Variants in DCLK3 observed in about 807,000 individuals in gnomAD.
DCLK3 encodes doublecortin like kinase 3.
Under a neutral mutation model 46.4 loss-of-function variants are expected in DCLK3, and 30 were observed. The observed-to-expected ratio is 0.65, with a 90% CI of 0.48 to 0.88. DCLK3 has a LOEUF of 0.88. Ranked by LOEUF, DCLK3 falls within the 40% of genes least tolerant of loss-of-function variation. DCLK3 has a pLI of 0.00. For missense variants in DCLK3, 846 were observed against 907.1 expected, an observed-to-expected ratio of 0.93 and a Z score of 0.87; for synonymous variants, 401 against 339.2, an observed-to-expected ratio of 1.18 and a Z score of -2.00.
At chr3:36,717,470 G>A (rs1236274611) in intron 4 of DCLK3, among the ~76,000 whole-genome samples, 1 of 152,164 alleles carries the variant, frequency 6.6e-6, no homozygotes, top group Non-Finnish European at 1.5e-5. Flanking sequence ...CAAGGACAGT[G>A]AGTAGTACAG....
intron 3 of DCLK3, among the ~76,000 whole-genome samples, chr3:36,719,245 C>T (rs1209393665): frequency 6.6e-6 from 1 of 152,180 alleles, no homozygotes; most frequent in African/African-American, 2.4e-5. Context: ...CCTCCCAAAA[C>T]TTATCACAGC....
chr3:36,723,427 C>T (rs1011493680), intron 2 of DCLK3, among the ~76,000 whole-genome samples: 1 of 152,152 alleles, frequency 6.6e-6, no homozygotes, highest in Non-Finnish European at 1.5e-5. Flanking sequence ...AATGAGGACC[C>T]AAATGTTAAT....
chr3:36,745,268 G>C (rs921936258), intron 1 of DCLK3, among the ~76,000 whole-genome samples: 15 of 152,008 alleles, frequency 9.9e-5, no homozygotes, highest in African/African-American at 3.6e-4. Flanking sequence ...AATAACTCAC[G>C]TGTCTAATTA....
At chr3:36,726,366 G>T (rs1701125508) in intron 2 of DCLK3, among the ~76,000 whole-genome samples, 1 of 151,782 alleles carries the variant, frequency 6.6e-6, no homozygotes, top group South Asian at 2.1e-4. Flanking sequence ...GAATAAATTT[G>T]GGCAATCTTA....
chr3:36,739,991 T>C (rs1701327306), intron 1 of DCLK3: 3 of 152,122 alleles, frequency 2.0e-5, no homozygotes, highest in Admixed American at 2.0e-4. Context: ...TTTTTCAGCT[T>C]GACTTTGAAC....
At position 36,738,430 on chromosome 3, in the gene DCLK3, C is replaced by A; in HGVS notation, c.737G>T (p.Gly246Val). ...TAGTGAAAGCTCCTCGGGGATCTTC[C>A]CCTGGTGCCTCATGGCTGCCTTGCA... The part of the protein sequence containing the change: ...AGCKAAMRHQ[G>V]KIPEELSLDD... The change falls in exon 2 of 5, where the codon GGG (glycine) becomes GTG (valine). Residue 246 changes from glycine (G) to valine (V), a missense_variant. Gly to Val is a moderately radical substitution (Grantham distance 109, BLOSUM62 -3). This residue lies in a region of DCLK3 where 553 missense variants were observed against 543.0 expected (regional missense o/e 1.02). Transcript: ENST00000636136. 6.8e-7 allele frequency: 1 copy of A among 1,478,224 alleles called. No individual in the cohort carries two copies. The highest frequency in any genetic ancestry group is 9.0e-7 in the Non-Finnish European group (1 of 1,115,404). The allele number at this position is 1,478,224 out of a possible 1,614,324, so 91.6% of individuals were successfully genotyped here. A position where few individuals can be genotyped will look rare whatever the true frequency, so the allele number is the denominator to read the frequency against.
intron 1 of DCLK3, among the ~76,000 whole-genome samples, chr3:36,748,558 G>T (rs529331945): frequency 7.9e-5 from 12 of 152,258 alleles, no homozygotes; most frequent in African/African-American, 2.9e-4. Context: ...ACAGGAGGAA[G>T]GATTCAGAAC....
chr3:36,757,061 G>C (rs963358578), intron 1 of DCLK3, among the ~76,000 whole-genome samples: 2 of 152,060 alleles, frequency 1.3e-5, no homozygotes, highest in African/African-American at 4.8e-5. Flanking sequence ...CCCTCCATCA[G>C]TTGGTGCATT....
chr3:36,751,061 T>TAAAAAAAAAAAAAAAAAA, intron 1 of DCLK3, among the ~76,000 whole-genome samples: 1 of 28,230 alleles, frequency 3.5e-5, no homozygotes, highest in Non-Finnish European at 7.6e-5. Context: ...GACGGGATGA[T>TAAAAAAAAAAAAAAAAAA]CTAAAAAAAA....
chr3:36,721,621 C>T lies in DCLK3; in HGVS notation c.1998G>A (p.Leu666=). Residue 666 remains leucine (L), a synonymous_variant, in exon 3 of 5, where the codon TTG becomes TTA. Coordinates refer to ENST00000636136, the MANE Select transcript of DCLK3 (RefSeq NM_001394672.2). ...CATGCTTTGCAAGTCCAAAATCAGC[C>T]AATTTCAAGGTAGTAGATTTGTCCT... is the stretch of plus-strand genomic sequence containing the variant. ...RNEDKSTTLK[L]ADFGLAKHVV... is the part of the protein sequence containing the mutation. 1 of 1,614,120 alleles carries T rather than the reference C, an allele frequency of 6.2e-7. No individual in the cohort carries two copies. Among genetic ancestry groups the T allele is most frequent in the African/African-American group, 1.3e-5 (1 of 75,026 alleles).
At chr3:36,745,615 G>A (rs892937133) in intron 1 of DCLK3, among the ~76,000 whole-genome samples, 2 of 152,192 alleles carry the variant, frequency 1.3e-5, no homozygotes, top group Admixed American at 6.5e-5. Flanking sequence ...TTTCTTTGTG[G>A]TTTCAGCAGA....
At chr3:36,751,063 T>TAAAAAAAAAAAAAAAAAAAAAAAAAAA (rs5847933) in intron 1 of DCLK3, among the ~76,000 whole-genome samples, 1 of 76,494 alleles carries the variant, frequency 1.3e-5, no homozygotes, top group South Asian at 6.8e-4. Flanking sequence ...CGGGATGATC[T>TAAAAAAAAAAAAAAAAAAAAAAAAAAA]AAAAAAAAAA....
chr3:36,752,024 C>T (rs1467890542), intron 1 of DCLK3, among the ~76,000 whole-genome samples: 1 of 152,220 alleles, frequency 6.6e-6, no homozygotes, highest in East Asian at 1.9e-4. Flanking sequence ...TCCATTGGTA[C>T]CCACCCAGAT....
intron 2 of DCLK3, among the ~76,000 whole-genome samples, chr3:36,728,868 T>A (rs1216807179): frequency 6.6e-6 from 1 of 152,182 alleles, no homozygotes; most frequent in Non-Finnish European, 1.5e-5. Context: ...GTTCTCCTGG[T>A]CACCCTCCCT....
chr3:36,748,457 C>G (rs1454451668), intron 1 of DCLK3, among the ~76,000 whole-genome samples: 1 of 152,192 alleles, frequency 6.6e-6, no homozygotes, highest in Non-Finnish European at 1.5e-5. Context: ...TTCCCCAGAA[C>G]AGGCCCCAGG....
chr3:36,725,307 G>A (rs796636219), intron 2 of DCLK3, among the ~76,000 whole-genome samples: 127 of 100,692 alleles, frequency 1.3e-3, no homozygotes, highest in African/African-American at 2.6e-3. Context: ...GCGAGACTCC[G>A]TCTCAAAAAA....
rs1324630611 is a variant in DCLK3 at position 36,718,158 on chromosome 3, G to A, written c.2112C>T (p.Asp704=). 1 of 1,614,074 alleles carries A rather than the reference G, an allele frequency of 6.2e-7. No individual in the cohort carries two copies. ...AGAGGATCACGCCAGCAGCCCACAT[G>A]TCCACCTCCAGTCCATAACCTGCGC... The part of the protein sequence containing the change: ...LSEKGYGLEV[D]MWAAGVILYI... Residue 704 remains aspartate, a synonymous_variant, in exon 4 of 5, where the codon GAC becomes GAT. Transcript: ENST00000636136.
chr3:36,739,643 A>G (rs1701323181), intron 1 of DCLK3, among the ~76,000 whole-genome samples: 1 of 152,184 alleles, frequency 6.6e-6, no homozygotes, highest in Non-Finnish European at 1.5e-5. Context: ...GCCACGTGGA[A>G]CTAACTGTAA....
At chr3:36,751,075 A>AAAAAC (rs2125536537) in intron 1 of DCLK3, among the ~76,000 whole-genome samples, 1 of 150,982 alleles carries the variant, frequency 6.6e-6, no homozygotes, top group Admixed American at 6.6e-5. Flanking sequence ...AAAAAAAAAA[A>AAAAAC]AAAAAAAAAA....
Sources: gnomAD v4.1 joint callset for allele counts (sites outside exome capture counted in the v4.1 genomes callset) on GRCh38, gnomAD v4.1.1 for gene constraint, gnomAD v4.1.1 regional missense constraint, MANE v1.5 for transcripts, NCBI Gene and HGNC (gene_info 2026-07-23, HGNC 2026-07-21) for gene names.